Variants in RICTOR observed in about 807,000 individuals in gnomAD.
RICTOR encodes the protein rapamycin-insensitive companion of mTOR.
In RICTOR, 49 loss-of-function variants were observed where a neutral mutation model predicts 214.9. That is an observed-to-expected ratio of 0.23 (90% CI 0.18 to 0.29). The LOEUF (loss-of-function observed/expected upper bound fraction) is 0.29. Ranked by LOEUF, RICTOR falls within the 10% of genes least tolerant of loss-of-function variation. The pLI is 1.00. For synonymous variants in RICTOR, 717 were observed against 711.3 expected (o/e 1.01, Z -0.13); for missense variants, 1,625 against 2,047.0 (o/e 0.79, Z 3.98).
chr5:39,010,101 C>T (rs1754386607), intron 3 of RICTOR, among the ~76,000 whole-genome samples: 1 of 152,150 alleles, frequency 6.6e-6, no homozygotes, highest in Admixed American at 6.5e-5. Context: ...CAGTTTCCAC[C>T]ATGCTCTTCA....
intron 2 of RICTOR, among the ~76,000 whole-genome samples, chr5:39,039,684 G>A (rs1757019591): frequency 1.3e-5 from 2 of 152,132 alleles, no homozygotes; most frequent in Admixed American, 1.3e-4. Context: ...CTCAAAAGAA[G>A]ACATTTATGC....
chr5:38,966,960 A>G (rs993725859), intron 14 of RICTOR: 3 of 625,474 alleles, frequency 4.8e-6, no homozygotes, highest in South Asian at 2.0e-5. Context: ...GCCATCATGC[A>G]TGGCTAATTT....
intron 3 of RICTOR, among the ~76,000 whole-genome samples, chr5:39,019,294 A>T (rs946413308): frequency 1.8e-4 from 27 of 152,244 alleles, no homozygotes; most frequent in African/African-American, 6.5e-4. Context: ...TTTTCAATGC[A>T]GATGAAACAA....
chr5:38,978,022 TTG>T (rs892614463), intron 9 of RICTOR, among the ~76,000 whole-genome samples: 11 of 152,306 alleles, frequency 7.2e-5, no homozygotes, highest in African/African-American at 2.4e-4. Flanking sequence ...TTTAATGGAA[TTG>T]TGTCATTTGC....
intron 2 of RICTOR, among the ~76,000 whole-genome samples, chr5:39,055,668 T>C (rs530213631): frequency 2.0e-5 from 3 of 152,126 alleles, no homozygotes; most frequent in East Asian, 3.9e-4. Flanking sequence ...ATTATGCCAA[T>C]TGTAAGAAAG....
chr5:38,990,550 TATACACG>T (rs1561500928), intron 7 of RICTOR, among the ~76,000 whole-genome samples: 1 of 148,046 alleles, frequency 6.8e-6, no homozygotes. Context: ...ATATACACGA[TATACACG>T]ATATATACAC....
chr5:39,045,811 G>T (rs1023781732), intron 2 of RICTOR, among the ~76,000 whole-genome samples: 2 of 151,990 alleles, frequency 1.3e-5, no homozygotes, highest in African/African-American at 2.4e-5. Context: ...TACCTTCTTA[G>T]AAACTAATAA....
intron 2 of RICTOR, among the ~76,000 whole-genome samples, chr5:39,044,261 T>A (rs1465105862): frequency 6.6e-6 from 1 of 152,180 alleles, no homozygotes; most frequent in Admixed American, 6.5e-5. Flanking sequence ...GTCTCTCTAT[T>A]CAATAAATAG....
Position 38,955,610 on chromosome 5 carries a change from C to G in RICTOR, c.2594G>C (p.Arg865Pro), listed in dbSNP as rs1281490714. The G allele has an allele frequency of 6.3e-7, 1 of 1,595,144 alleles. No homozygotes were observed. The highest frequency in any genetic ancestry group is 8.6e-7 in the Non-Finnish European group (1 of 1,163,056). ...RKPVDGDNYVRRSNQRLQRPH... is the reference protein window; with the variant it reads ...RKPVDGDNYVPRSNQRLQRPH... ...GGGTACGCACCTTTGGTTACTCCGACGAACATAGTTATCACCATCAACAGG... is the reference window on the plus strand; with the variant it reads ...GGGTACGCACCTTTGGTTACTCCGAGGAACATAGTTATCACCATCAACAGG... Residue 865 changes from arginine (R) to proline (P), a missense_variant, in exon 26 of 38, where the codon CGT becomes CCT. Arg to Pro is a moderately radical substitution (Grantham distance 103). Around this residue, in one of 5 missense-constraint regions of RICTOR, gnomAD observed 1,214 missense variants for 1,470.5 expected, o/e 0.83. Coordinates refer to ENST00000357387, the MANE Select transcript of RICTOR (RefSeq NM_152756.5).
intron 2 of RICTOR, among the ~76,000 whole-genome samples, chr5:39,024,273 G>T (rs1005897123): frequency 6.6e-6 from 1 of 152,160 alleles, no homozygotes; most frequent in Non-Finnish European, 1.5e-5. Context: ...AGGCTCAGGG[G>T]CTAGAGACTT....
rs144762560 is a variant in RICTOR at position 38,966,196 on chromosome 5, T to C, written c.1299+445A>G. Among the ~76,000 whole-genome samples, 154 of 152,342 alleles carry C rather than the reference T, an allele frequency of 1.0e-3. 3 individuals carry two copies. In the East Asian group the frequency reaches 0.025, roughly 25 times the overall value. On this transcript the variant is annotated intron_variant, in intron 15 of 37. Coordinates refer to ENST00000357387, the MANE Select transcript of RICTOR (RefSeq NM_152756.5). ...AAAGACTATAATGTTCAACCAAGAC[T>C]ACATTTAAAGCTTCTGCACAAAGCT...
chr5:39,041,863 CCTGGG>C (rs1297308395), intron 2 of RICTOR, among the ~76,000 whole-genome samples: 43 of 150,300 alleles, frequency 2.9e-4, no homozygotes, highest in African/African-American at 1.1e-3. Context: ...ATCCCTACAG[CCTGGG>C]AGTTCAAGGA....
At chr5:38,972,342 A>C (rs1222541281) in intron 10 of RICTOR, among the ~76,000 whole-genome samples, 1 of 152,226 alleles carries the variant, frequency 6.6e-6, no homozygotes, top group African/African-American at 2.4e-5. Flanking sequence ...GCATTTATTA[A>C]AGTTCAATTC....
Position 39,021,144 on chromosome 5 carries a change from GA to G in RICTOR, c.98-9del. On this transcript the variant is annotated splice_polypyrimidine_tract_variant and intron_variant, in intron 2 of 37. Transcript: ENST00000357387. ...TTAAGTTATCAGAAGGTTCTAGAAGGAAAGACAAGACAATTTAACACAATTT... is the reference window on the plus strand; with the variant it reads ...TTAAGTTATCAGAAGGTTCTAGAAGGAAGACAAGACAATTTAACACAATTT... The G allele has an allele frequency of 7.1e-7, 1 of 1,415,552 alleles. No homozygotes were observed. Among genetic ancestry groups the G allele is most frequent in the Non-Finnish European group, 1.0e-6 (1 of 999,006 alleles). The allele number at this position is 1,415,552 out of a possible 1,614,324, so 87.7% of individuals were successfully genotyped here.
chr5:39,011,430 A>G (rs993839929), intron 3 of RICTOR, among the ~76,000 whole-genome samples: 2 of 152,214 alleles, frequency 1.3e-5, no homozygotes, highest in African/African-American at 4.8e-5. Context: ...GAGCCCCCAC[A>G]CAAAGTCCCC....
At chr5:39,067,944 G>C (rs1202982419) in intron 2 of RICTOR, among the ~76,000 whole-genome samples, 3 of 152,182 alleles carry the variant, frequency 2.0e-5, no homozygotes, top group Non-Finnish European at 4.4e-5. Context: ...GGGGGAAGCG[G>C]ATGTTAAAAA....
intron 33 of RICTOR, among the ~76,000 whole-genome samples, chr5:38,945,995 T>C (rs188644913): frequency 3.3e-5 from 5 of 152,288 alleles, no homozygotes; most frequent in Admixed American, 3.3e-4. Flanking sequence ...CCTAAAGATA[T>C]GTAATAATTC....
Position 38,959,968 on chromosome 5 carries a change from C to A in RICTOR, c.1862G>T (p.Gly621Val). Residue 621 changes from glycine to valine, a missense_variant, in exon 21 of 38, where the codon GGC (glycine) becomes GTC (valine). Physicochemically the swap from Gly to Val is moderately radical, Grantham distance 109. Transcript: ENST00000357387. The part of the protein sequence containing the change: ...FLLESEEDGQ[G>V]YLEDLVKDIV... ...ATCCTTTACTAGATCTTCTAAGTAG[C>A]CTTGCCCATCCTAAAAGTAAATACA... 1 of 1,602,598 alleles carries A rather than the reference C, an allele frequency of 6.2e-7. No individual in the cohort carries two copies. Among genetic ancestry groups the A allele is most frequent in the Non-Finnish European group, 8.5e-7 (1 of 1,170,102 alleles).
intron 6 of RICTOR, among the ~76,000 whole-genome samples, chr5:38,993,477 A>G (rs1425141885): frequency 6.6e-6 from 1 of 152,094 alleles, no homozygotes; most frequent in East Asian, 1.9e-4. Flanking sequence ...GAAGGGGGAA[A>G]TCAGAGACAT....
Sources: gnomAD v4.1 joint callset for allele counts (sites outside exome capture counted in the v4.1 genomes callset) on GRCh38, gnomAD v4.1.1 for gene constraint, gnomAD v4.1.1 regional missense constraint, MANE v1.5 for transcripts, NCBI Gene and HGNC (gene_info 2026-07-23, HGNC 2026-07-21) for gene names.